NMT2: variants seen among roughly 807,000 people sequenced by gnomAD.
NMT2 encodes N-myristoyltransferase 2.
A neutral mutation model predicts 65.4 loss-of-function variants in NMT2; 35 were observed. That is an observed-to-expected ratio of 0.54 (90% CI 0.41 to 0.71). NMT2 has a LOEUF of 0.71. Ranked by LOEUF, NMT2 falls within the 30% of genes least tolerant of loss-of-function variation. NMT2 has a pLI of 0.00. For synonymous variants in NMT2, 226 were observed against 231.8 expected, an observed-to-expected ratio of 0.98 and a Z score of 0.23; for missense variants, 489 against 611.3, an observed-to-expected ratio of 0.80 and a Z score of 2.11.
intron 1 of NMT2, among the ~76,000 whole-genome samples, chr10:15,153,039 G>T (rs1436286536): frequency 6.6e-6 from 1 of 151,862 alleles, no homozygotes; most frequent in Non-Finnish European, 1.5e-5. Context: ...TTTTTTTATG[G>T]AATGGAGGTT....
rs147741042 is a variant in NMT2 at position 15,132,633 on chromosome 10, G to A, written c.719+184C>T. Among the ~76,000 whole-genome samples, 9 of 152,230 alleles carry A rather than the reference G, an allele frequency of 5.9e-5. No individual in the cohort carries two copies. In the East Asian group the frequency reaches 1.5e-3, roughly 26 times the overall value. ...GTAGAGATGGGGTTTCACCCATGTT[G>A]ACCAGGCTGGTCTTAAACTCCTGAG... On this transcript the variant is annotated intron_variant, in intron 6 of 11. Transcript: ENST00000378165.
chr10:15,121,266 TC>T (rs1415157169), intron 8 of NMT2, among the ~76,000 whole-genome samples: 1 of 152,238 alleles, frequency 6.6e-6, no homozygotes, highest in East Asian at 1.9e-4. Context: ...TTTTATATAA[TC>T]TAGCAGTTCC....
At chr10:15,154,879 C>A in intron 1 of NMT2, 5 of 828,802 alleles carry the variant, frequency 6.0e-6, no homozygotes, top group South Asian at 1.3e-5. Context: ...ATGGCCTCCA[C>A]AATCTTGATG....
chr10:15,146,371 G>A (rs189061104), intron 1 of NMT2, among the ~76,000 whole-genome samples: 8 of 152,338 alleles, frequency 5.3e-5, no homozygotes, highest in Non-Finnish European at 8.8e-5. Flanking sequence ...CCATGTAAAC[G>A]CTTTACAGGT....
chr10:15,141,045 G>C (rs1846737842), intron 2 of NMT2: 1 of 1,549,416 alleles, frequency 6.5e-7, no homozygotes, highest in African/African-American at 1.4e-5. Context: ...CAGGTAATTA[G>C]ACAGACACCC....
At chr10:15,152,981 G>A (rs1451104533) in intron 1 of NMT2, among the ~76,000 whole-genome samples, 4 of 152,214 alleles carry the variant, frequency 2.6e-5, no homozygotes, top group Non-Finnish European at 2.9e-5. Flanking sequence ...ATGGATTGAA[G>A]AGGTAATGGT....
rs1343792619 is a variant in NMT2, at chr10:15,127,569, AAT to A, written c.999+779_999+780del. On this transcript the variant is annotated intron_variant, in intron 8 of 11. Coordinates refer to ENST00000378165, the MANE Select transcript of NMT2 (RefSeq NM_004808.3). Reference sequence around the variant, plus strand: ...CTCAAAAAAAAAAAAAAAAAAAAAAAATAAATAAATAAATAAATAAATAAATA... The same window carrying A: ...CTCAAAAAAAAAAAAAAAAAAAAAAAAAATAAATAAATAAATAAATAAATA... Among the ~76,000 whole-genome samples, 81 of 75,028 alleles carry A rather than the reference AAT, an allele frequency of 1.1e-3. 1 individual carries two copies. The highest frequency in any genetic ancestry group is 4.8e-3 in the African/African-American group (44 of 9,134). 49.2% of individuals were successfully genotyped at this position (75,028 alleles called of 152,430 possible).
At chr10:15,135,464 A>T in intron 2 of NMT2, 46 bp from the exon 3 acceptor site, 1 of 1,600,662 alleles carries the variant, frequency 6.2e-7, no homozygotes. Flanking sequence ...GCGGCTGCTG[A>T]TGTTAAACTT....
At chr10:15,109,910 A>T in intron 10 of NMT2, 71 bp from the exon 11 acceptor site, 1 of 1,249,462 alleles carries the variant, frequency 8.0e-7, no homozygotes, top group South Asian at 1.4e-5. Context: ...ATCTCAGTTT[A>T]ACAATTCTAC....
chr10:15,136,728 T>C (rs1342198740), intron 2 of NMT2, among the ~76,000 whole-genome samples: 1 of 152,168 alleles, frequency 6.6e-6, no homozygotes, highest in Non-Finnish European at 1.5e-5. Flanking sequence ...GCCCAAGTGT[T>C]GGAAACTGGA....
chr10:15,167,660 C>A (rs535456702), intron 1 of NMT2, among the ~76,000 whole-genome samples: 5 of 152,350 alleles, frequency 3.3e-5, no homozygotes, highest in Non-Finnish European at 7.3e-5. Flanking sequence ...AAAAAGAGAG[C>A]ATCAACACCG....
chr10:15,122,042 G>A lies in NMT2; in HGVS notation c.1000-2529C>T, dbSNP rs118050212. Among the ~76,000 whole-genome samples, 927 of 152,278 alleles carry A rather than the reference G, an allele frequency of 6.1e-3. 8 individuals are homozygous for A. The highest frequency in any genetic ancestry group is 0.031 in the Middle Eastern group (9 of 294). ...AATAAGCACTTCTAAATGCTAGTGG[G>A]AAGACCAAAACCATATAAAATATAT... On this transcript the variant is annotated intron_variant, in intron 8 of 11. Transcript: ENST00000378165.
Position 15,168,558 on chromosome 10 carries a change from G to C in NMT2, c.55C>G (p.Gln19Glu), listed in dbSNP as rs544927506. ...TCCCCGTCTATCCCGCACGTGTCCT[G>C]GTCGTCCAGTTCCAGGCTCTGCTGG... is the stretch of plus-strand genomic sequence containing the variant. Reference protein sequence around the residue: ...ASQQSLELDDQDTCGIDGDNE... With the variant: ...ASQQSLELDDEDTCGIDGDNE... The change falls in exon 1 of 12, where the codon CAG becomes GAG. Residue 19 changes from glutamine (Q) to glutamate (E), a missense_variant. Physicochemically the swap from Gln to Glu is conservative, Grantham distance 29. Transcript: ENST00000378165. 136 of 1,593,968 alleles carry C rather than the reference G, an allele frequency of 8.5e-5. 2 individuals carry two copies. The South Asian group carries it at 8.6e-4, about 10-fold the overall frequency.
chr10:15,128,240 C>T, intron 8 of NMT2, 110 bp downstream of exon 8: 1 of 699,986 alleles, frequency 1.4e-6, no homozygotes, highest in Non-Finnish European at 2.5e-6. Flanking sequence ...GCTCCATATT[C>T]ACTTCCTCAG....
In NMT2 at chr10:15,116,783, A is replaced by G. The variant is rs557048606; in HGVS notation, c.1170+2560T>C. ...ACTAAAAGGATAACAAGGGAATAAA[A>G]TGAACATTAATTACACTCATACATT... On this transcript the variant is annotated intron_variant, in intron 9 of 11. Transcript: ENST00000378165. 2.2e-5 allele frequency among the ~76,000 whole-genome samples: 3 copies of G among 138,348 alleles called. No homozygotes were observed. In the East Asian group the frequency reaches 6.0e-4, roughly 27 times the overall value. The allele number at this position is 138,348 out of a possible 152,430, so 90.8% of individuals were successfully genotyped here.
intron 9 of NMT2, among the ~76,000 whole-genome samples, chr10:15,114,983 C>A (rs1024543442): frequency 6.6e-6 from 1 of 151,616 alleles, no homozygotes; most frequent in Middle Eastern, 3.4e-3. Context: ...GCCTGGGTGA[C>A]AGAGCAAGAC....
chr10:15,131,531 T>C (rs899654352), intron 6 of NMT2, among the ~76,000 whole-genome samples: 1 of 152,136 alleles, frequency 6.6e-6, no homozygotes, highest in African/African-American at 2.4e-5. Flanking sequence ...AAGATGTTGC[T>C]TTGGAGTGTG....
chr10:15,155,405 G>C (rs1348101840), intron 1 of NMT2: 2 of 590,184 alleles, frequency 3.4e-6, no homozygotes, highest in Non-Finnish European at 6.1e-6. Context: ...GTCTCACTCT[G>C]TCATCCAGGC....
chr10:15,161,109 A>AAAAAAAAAAAAAAAAAAAAAC (rs1220389004), intron 1 of NMT2, among the ~76,000 whole-genome samples: 1 of 146,104 alleles, frequency 6.8e-6, no homozygotes, highest in Non-Finnish European at 1.5e-5. Flanking sequence ...AAAAAAAAAA[A>AAAAAAAAAAAAAAAAAAAAAC]ACACAAAGAA....
Sources: gnomAD v4.1 joint callset for allele counts (sites outside exome capture counted in the v4.1 genomes callset) on GRCh38, gnomAD v4.1.1 for gene constraint, MANE v1.5 for transcripts, NCBI Gene and HGNC (gene_info 2026-07-23, HGNC 2026-07-21) for gene names.